The following ROBO2 variants were observed in gnomAD, a reference collection of about 807,000 sequenced individuals.
The protein encoded by ROBO2 is roundabout guidance receptor 2, also known as roundabout homolog 2.
A neutral mutation model predicts 160.8 loss-of-function variants in ROBO2; 53 were observed. That is an observed-to-expected ratio of 0.33 (90% CI 0.26 to 0.41). The LOEUF is 0.41. Ranked by LOEUF, ROBO2 falls within the 10% of genes least tolerant of loss-of-function variation. ROBO2 has a pLI of 1.00. For synonymous variants in ROBO2, 664 were observed against 611.7 expected (o/e 1.09, Z -1.26); for missense variants, 1,577 against 1,722.4 (o/e 0.92, Z 1.49).
At chr3:76,001,426 T>G (rs904308405) in intron 2 of ROBO2, among the ~76,000 whole-genome samples, 1 of 152,212 alleles carries the variant, frequency 6.6e-6, no homozygotes, top group Non-Finnish European at 1.5e-5. Context: ...GTCACTGAGA[T>G]CTCACTCTTC....
intron 2 of ROBO2, among the ~76,000 whole-genome samples, chr3:76,830,190 C>A (rs2109303713): frequency 6.6e-6 from 1 of 152,246 alleles, no homozygotes; most frequent in East Asian, 1.9e-4. Flanking sequence ...GCATGCTATT[C>A]TTTCCTTATT....
At chr3:76,317,797 A>G (rs2072167592) in intron 2 of ROBO2, among the ~76,000 whole-genome samples, 1 of 152,018 alleles carries the variant, frequency 6.6e-6, no homozygotes, top group Non-Finnish European at 1.5e-5. Flanking sequence ...TGTAAAACTT[A>G]CTCATATTGT....
intron 2 of ROBO2, among the ~76,000 whole-genome samples, chr3:77,260,962 C>A (rs113942014): frequency 2.6e-5 from 4 of 152,084 alleles, no homozygotes; most frequent in Admixed American, 6.5e-5. Context: ...CTCTTGGAAG[C>A]CTCCTCCTGG....
intron 9 of ROBO2, among the ~76,000 whole-genome samples, chr3:77,561,019 A>T (rs2093304893): frequency 6.6e-6 from 1 of 152,172 alleles, no homozygotes; most frequent in Non-Finnish European, 1.5e-5. Context: ...GGCTCTTTCT[A>T]CAATGGCTAT....
intron 2 of ROBO2, among the ~76,000 whole-genome samples, chr3:76,721,655 G>A (rs1292527929): frequency 6.6e-6 from 1 of 152,124 alleles, no homozygotes; most frequent in African/African-American, 2.4e-5. Context: ...AACTTCAAAT[G>A]CAAAACTTTT....
intron 2 of ROBO2, among the ~76,000 whole-genome samples, chr3:76,739,375 C>T (rs147890172): frequency 1.1e-4 from 17 of 150,490 alleles, no homozygotes; most frequent in African/African-American, 3.2e-4. Flanking sequence ...CAAACTATCA[C>T]AAGGACAAAA....
At chr3:76,647,314 T>C (rs562433147) in intron 2 of ROBO2, among the ~76,000 whole-genome samples, 1 of 152,250 alleles carries the variant, frequency 6.6e-6, no homozygotes, top group South Asian at 2.1e-4. Flanking sequence ...TTCCCAAGAA[T>C]TGTACAGACA....
At chr3:76,639,447 A>T (rs951216306) in intron 2 of ROBO2, among the ~76,000 whole-genome samples, 1 of 141,490 alleles carries the variant, frequency 7.1e-6, no homozygotes, top group Non-Finnish European at 1.5e-5. Context: ...TGTATATATA[A>T]GTGTACCTAC....
chr3:77,159,836 T>C (rs1020747978), intron 2 of ROBO2, among the ~76,000 whole-genome samples: 6 of 152,158 alleles, frequency 3.9e-5, no homozygotes, highest in Admixed American at 6.5e-5. Flanking sequence ...AAAAGTAAGG[T>C]AATTACCAAA....
intron 2 of ROBO2, among the ~76,000 whole-genome samples, chr3:76,527,659 A>T (rs2082019415): frequency 6.6e-6 from 1 of 152,164 alleles, no homozygotes; most frequent in African/African-American, 2.4e-5. Flanking sequence ...TTTTAAAAAA[A>T]TACCCACTGA....
intron 2 of ROBO2, among the ~76,000 whole-genome samples, chr3:76,790,495 A>C (rs2063289359): frequency 6.6e-6 from 1 of 151,750 alleles, no homozygotes; most frequent in Non-Finnish European, 1.5e-5. Flanking sequence ...CTCATTGTTA[A>C]GTTGAAAATG....
At chr3:76,946,171 AAAAC>A (rs1228309193) in intron 2 of ROBO2, among the ~76,000 whole-genome samples, 2 of 152,186 alleles carry the variant, frequency 1.3e-5, no homozygotes, top group Non-Finnish European at 2.9e-5. Context: ...TTGCCTGAGT[AAAAC>A]AAAGTTCTGA....
chr3:76,950,063 C>T (rs1430858304), intron 2 of ROBO2, among the ~76,000 whole-genome samples: 4 of 152,096 alleles, frequency 2.6e-5, no homozygotes. Flanking sequence ...CTCCAAAGTC[C>T]CTGAAACTGT....
chr3:76,391,742 C>G (rs1333145468), intron 2 of ROBO2, among the ~76,000 whole-genome samples: 1 of 152,126 alleles, frequency 6.6e-6, no homozygotes. Flanking sequence ...AACTCCTGAC[C>G]TTGTGATCTG....
chr3:77,299,521 G>T (rs779849963), intron 2 of ROBO2, among the ~76,000 whole-genome samples: 45 of 152,110 alleles, frequency 3.0e-4, no homozygotes, highest in Non-Finnish European at 5.1e-4. Context: ...GTGGCAGCAG[G>T]AAGGAAAAGT....
chr3:76,777,314 G>T (rs1359657103), intron 2 of ROBO2, among the ~76,000 whole-genome samples: 1 of 151,056 alleles, frequency 6.6e-6, no homozygotes, highest in Non-Finnish European at 1.5e-5. Context: ...ACTGTGAAAA[G>T]ATTATTGACT....
intron 2 of ROBO2, among the ~76,000 whole-genome samples, chr3:76,390,113 G>T (rs142437286): frequency 1.3e-5 from 2 of 152,104 alleles, no homozygotes; most frequent in East Asian, 3.9e-4. Context: ...TATTTGTTTA[G>T]ACCATACCTT....
At chr3:77,545,948 G>C (rs2092681163) in intron 6 of ROBO2, among the ~76,000 whole-genome samples, 1 of 151,988 alleles carries the variant, frequency 6.6e-6, no homozygotes, top group African/African-American at 2.4e-5. Flanking sequence ...TAAATAAATT[G>C]ACTTTAGAGG....
chr3:76,060,601 C>T (rs895584915), intron 2 of ROBO2, among the ~76,000 whole-genome samples: 2 of 152,150 alleles, frequency 1.3e-5, no homozygotes, highest in African/African-American at 4.8e-5. Flanking sequence ...CTGAGGATTT[C>T]CATCCCTAAC....
Sources: allele counts gnomAD v4.1 joint callset (sites outside exome capture counted in the v4.1 genomes callset), GRCh38; gene constraint gnomAD v4.1.1; transcripts MANE v1.5; gene names NCBI Gene and HGNC (gene_info 2026-07-23, HGNC 2026-07-21).